GHR: variants seen among roughly 807,000 people sequenced by gnomAD.
The protein encoded by GHR is GH receptor.
Under a neutral mutation model 67.1 loss-of-function variants are expected in GHR, and 35 were observed. That is an observed-to-expected ratio of 0.52 (90% CI 0.40 to 0.69). GHR has a LOEUF of 0.69. Ranked by LOEUF, GHR falls within the 30% of genes least tolerant of loss-of-function variation. GHR has a pLI of 0.00. For synonymous variants in GHR, 272 were observed against 269.1 expected (o/e 1.01, Z -0.10); for missense variants, 792 against 764.6 (o/e 1.04, Z -0.42).
chr5:42,522,242 G>A (rs1477922118), intron 1 of GHR, among the ~76,000 whole-genome samples: 2 of 151,990 alleles, frequency 1.3e-5, no homozygotes, highest in African/African-American at 4.8e-5. Context: ...CCGAATTTCT[G>A]TACAAGAAAA....
chr5:42,435,122 A>T (rs554022622), intron 1 of GHR, among the ~76,000 whole-genome samples: 150 of 152,240 alleles, frequency 9.9e-4, no homozygotes, highest in Non-Finnish European at 1.5e-3. Context: ...TGAAACCTTC[A>T]CTTATAAAAG....
chr5:42,600,696 T>C (rs1484982710), intron 2 of GHR, among the ~76,000 whole-genome samples: 2 of 152,190 alleles, frequency 1.3e-5, no homozygotes, highest in South Asian at 2.1e-4. Context: ...CCCTAGGGTA[T>C]GACACCTGGC....
chr5:42,548,195 AT>A (rs1748826505), intron 1 of GHR: 1 of 984,048 alleles, frequency 1.0e-6, no homozygotes, highest in Non-Finnish European at 1.2e-6. Flanking sequence ...ATGTGATTTA[AT>A]TTACTCCTCT....
chr5:42,473,326 G>A (rs1745091653), intron 1 of GHR, among the ~76,000 whole-genome samples: 1 of 152,074 alleles, frequency 6.6e-6, no homozygotes, highest in South Asian at 2.1e-4. Context: ...CGCCTCCCAG[G>A]TTCAAACAAT....
At chr5:42,648,157 T>C (rs1332445452) in intron 3 of GHR, among the ~76,000 whole-genome samples, 4 of 152,220 alleles carry the variant, frequency 2.6e-5, no homozygotes, top group Non-Finnish European at 5.9e-5. Context: ...GTTTCCTTTA[T>C]TTCCAACACA....
At chr5:42,606,541 C>T (rs888871280) in intron 2 of GHR, among the ~76,000 whole-genome samples, 3 of 152,064 alleles carry the variant, frequency 2.0e-5, no homozygotes, top group Admixed American at 6.5e-5. Context: ...TTTCAACAAT[C>T]GGTTCTCTCG....
chr5:42,569,422 A>C (rs967378595), intron 2 of GHR, among the ~76,000 whole-genome samples: 1 of 152,184 alleles, frequency 6.6e-6, no homozygotes, highest in Non-Finnish European at 1.5e-5. Context: ...GAGTCAAATT[A>C]TAGAAGGCCC....
chr5:42,631,716 A>G (rs1753938639), intron 3 of GHR, among the ~76,000 whole-genome samples: 1 of 152,194 alleles, frequency 6.6e-6, no homozygotes, highest in South Asian at 2.1e-4. Flanking sequence ...AGAATATACA[A>G]TTATAATTTA....
At chr5:42,590,682 T>C (rs1751728462) in intron 2 of GHR, among the ~76,000 whole-genome samples, 1 of 152,240 alleles carries the variant, frequency 6.6e-6, no homozygotes, top group South Asian at 2.1e-4. Context: ...GAAATGTGAC[T>C]GTAGAGCAGC....
intron 3 of GHR, among the ~76,000 whole-genome samples, chr5:42,671,731 C>T (rs1278094210): frequency 7.3e-5 from 11 of 150,820 alleles, no homozygotes; most frequent in East Asian, 5.9e-4. Context: ...CCGAGGTGGG[C>T]GGATCACGAG....
intron 1 of GHR, among the ~76,000 whole-genome samples, chr5:42,511,481 T>A (rs1012228722): frequency 1.3e-5 from 2 of 152,222 alleles, no homozygotes; most frequent in African/African-American, 4.8e-5. Flanking sequence ...ATATCTTTAG[T>A]GTCTGGAATA....
At chr5:42,447,726 T>G (rs1743871393) in intron 1 of GHR, among the ~76,000 whole-genome samples, 1 of 123,566 alleles carries the variant, frequency 8.1e-6, no homozygotes, top group Non-Finnish European at 1.6e-5. Context: ...CCTCCCTCTC[T>G]CTCTCTTTCT....
chr5:42,457,275 G>T (rs1440559893), intron 1 of GHR, among the ~76,000 whole-genome samples: 1 of 152,076 alleles, frequency 6.6e-6, no homozygotes, highest in Non-Finnish European at 1.5e-5. Context: ...CATTTTATAG[G>T]TTCAAAATAT....
intron 1 of GHR, among the ~76,000 whole-genome samples, chr5:42,539,470 T>C (rs1748404427): frequency 6.6e-6 from 1 of 152,234 alleles, no homozygotes; most frequent in Admixed American, 6.5e-5. Flanking sequence ...CCAGTCTACC[T>C]GGCTCTGAGC....
chr5:42,505,120 C>CT (rs1412478598), intron 1 of GHR, among the ~76,000 whole-genome samples: 8 of 112,746 alleles, frequency 7.1e-5, no homozygotes, highest in Non-Finnish European at 1.2e-4. Flanking sequence ...GAGCTGTTGA[C>CT]TGTTTTTTTT....
chr5:42,445,507 G>A (rs1471898296), intron 1 of GHR, among the ~76,000 whole-genome samples: 1 of 152,154 alleles, frequency 6.6e-6, no homozygotes, highest in African/African-American at 2.4e-5. Context: ...GTTCTGCCTG[G>A]AAAAGGGCTC....
chr5:42,466,797 T>C (rs1744752346), intron 1 of GHR: 5 of 924,512 alleles, frequency 5.4e-6, no homozygotes, highest in Non-Finnish European at 7.7e-6. Context: ...GCCTCATCTT[T>C]ATAAAGGAAG....
chr5:42,521,604 T>C (rs1747478672), intron 1 of GHR, among the ~76,000 whole-genome samples: 1 of 152,254 alleles, frequency 6.6e-6, no homozygotes, highest in Non-Finnish European at 1.5e-5. Flanking sequence ...ACGATTTTCA[T>C]CTGCCAAAGA....
rs567223264 is a variant in GHR, at chr5:42,690,375, A to G, written c.266+1356A>G. ...AGAAAGGAGATAATGGACTTGCCTC[A>G]TGACTTCTTGTGAGGATCATATGAG... On this transcript the variant is annotated intron_variant, in intron 4 of 9. Transcript: ENST00000230882. Among the ~76,000 whole-genome samples, 7 of 152,324 alleles carry G rather than the reference A, an allele frequency of 4.6e-5. No individual in the cohort carries two copies. In the East Asian group the frequency reaches 1.4e-3, roughly 29 times the overall value.
Sources: gnomAD v4.1 joint callset for allele counts (sites outside exome capture counted in the v4.1 genomes callset) on GRCh38, gnomAD v4.1.1 for gene constraint, MANE v1.5 for transcripts, NCBI Gene and HGNC (gene_info 2026-07-23, HGNC 2026-07-21) for gene names.